PTGER4: variants seen among roughly 807,000 people sequenced by gnomAD.
PTGER4 encodes the protein prostaglandin E2 receptor EP4 subtype.
PTGER4 carries 11 observed loss-of-function variants against 33.2 expected under a neutral mutation model. The ratio of observed to expected loss-of-function variants is 0.33; its 90% CI spans 0.21 to 0.55. The LOEUF is 0.55. Among genes scored for constraint, PTGER4 ranks in the 20% least tolerant of loss-of-function variants. The pLI is 0.92. For synonymous variants in PTGER4, 275 were observed against 281.5 expected (o/e 0.98, Z 0.23); for missense variants, 481 against 650.2 (o/e 0.74, Z 2.83).
chr5:40,730,362 T>C, the PTGER4 span: 2 of 1,594,496 alleles, frequency 1.3e-6, no homozygotes, highest in South Asian at 1.1e-5. Context: ...GTTAAAGTTA[T>C]ATCAATGCCA....
chr5:40,719,356 T>A, the PTGER4 span, among the ~76,000 whole-genome samples: 1 of 152,278 alleles, frequency 6.6e-6, no homozygotes, highest in African/African-American at 2.4e-5. Context: ...ATATTGTTTT[T>A]AAAGTTCATC....
chr5:40,726,018 C>T, the PTGER4 span, among the ~76,000 whole-genome samples: 1 of 151,728 alleles, frequency 6.6e-6, no homozygotes, highest in South Asian at 2.1e-4. Flanking sequence ...ATCTCCTGAC[C>T]TTGTGATCCG....
chr5:40,739,945 A>T, the PTGER4 span, among the ~76,000 whole-genome samples: 2 of 151,936 alleles, frequency 1.3e-5, no homozygotes, highest in South Asian at 2.1e-4. Context: ...GCTTTTTTTT[A>T]AAAATAAAGT....
At chr5:40,741,144 T>A in the PTGER4 span, among the ~76,000 whole-genome samples, 1 of 152,242 alleles carries the variant, frequency 6.6e-6, no homozygotes, top group East Asian at 1.9e-4. Flanking sequence ...AGATGCTGAA[T>A]ATTTTAAATG....
Position 40,681,614 on chromosome 5 carries a change from C to T in PTGER4, c.621C>T (p.Cys207=). The part of the protein sequence containing the change: ...LATVLCNVLV[C]GALLRMHRQF... The stretch of plus-strand genomic sequence containing the variant: ...CCGTCCTCTGCAACGTGCTTGTGTG[C>T]GGCGCGCTGCTCCGCATGCACCGCC... Residue 207 remains cysteine (C), a synonymous_variant, in exon 2 of 3, where the codon TGC becomes TGT. Coordinates refer to ENST00000302472, the MANE Select transcript of PTGER4 (RefSeq NM_000958.3). This position sits in a 1 kb window ranked among gnomAD's most constrained non-coding sequence, Gnocchi z 9.8. 2 of 1,606,136 alleles carry T rather than the reference C, an allele frequency of 1.2e-6. No individual in the cohort carries two copies. Among genetic ancestry groups the T allele is most frequent in the Non-Finnish European group, 1.7e-6 (2 of 1,179,796 alleles).
chr5:40,699,861 C>T, the PTGER4 span, among the ~76,000 whole-genome samples: 1 of 152,110 alleles, frequency 6.6e-6, no homozygotes, highest in African/African-American at 2.4e-5. Context: ...TAAAAATCTA[C>T]ATCAATCTTC....
At chr5:40,703,412 GACACAT>G in the PTGER4 span, among the ~76,000 whole-genome samples, 1 of 152,032 alleles carries the variant, frequency 6.6e-6, no homozygotes, top group Non-Finnish European at 1.5e-5. Context: ...TAAATTCCTG[GACACAT>G]ACACCTTCCC....
the PTGER4 span, among the ~76,000 whole-genome samples, chr5:40,705,730 A>G: frequency 6.6e-6 from 1 of 152,224 alleles, no homozygotes; most frequent in African/African-American, 2.4e-5. Flanking sequence ...AAAAAAGCTC[A>G]ATATCACTGA....
Position 40,680,568 on chromosome 5 carries a change from C to T in PTGER4, c.-44+90C>T. The T allele has an allele frequency of 1.3e-5, 2 of 158,606 alleles. No homozygotes were observed. Among genetic ancestry groups the T allele is most frequent in the South Asian group, 1.8e-4 (1 of 5,606 alleles). 9.8% of individuals were successfully genotyped at this position (158,606 alleles called of 1,614,324 possible). On this transcript the variant is annotated intron_variant, in intron 1 of 2. Coordinates refer to ENST00000302472, the MANE Select transcript of PTGER4 (RefSeq NM_000958.3). This position sits in a 1 kb window ranked among gnomAD's most constrained non-coding sequence, Gnocchi z 5.5. ...GAAGAGAGCCAAGAAGGGAAGAGCGCGCTCTCCAAATTGCTTTTGTAACTT... is the reference window on the plus strand; with the variant it reads ...GAAGAGAGCCAAGAAGGGAAGAGCGTGCTCTCCAAATTGCTTTTGTAACTT...
chr5:40,745,246 C>A, the PTGER4 span, among the ~76,000 whole-genome samples: 1 of 152,082 alleles, frequency 6.6e-6, no homozygotes. Flanking sequence ...AAAACCTAAA[C>A]ATGAACTAAT....
chr5:40,703,079 C>T, the PTGER4 span, among the ~76,000 whole-genome samples: 1 of 152,106 alleles, frequency 6.6e-6, no homozygotes, highest in South Asian at 2.1e-4. Context: ...CTCAAATTAA[C>T]GACCTAACTT....
Position 40,680,942 on chromosome 5 carries a change from C to T in PTGER4, c.-43-9C>T. On this transcript the variant is annotated splice_polypyrimidine_tract_variant and intron_variant, in intron 1 of 2. Transcript: ENST00000302472. The surrounding 1 kb of genome is among the most constrained non-coding windows in gnomAD (Gnocchi z 5.5). The stretch of plus-strand genomic sequence containing the variant: ...CACGGCAGCTTTGTCTCTCTTCTAC[C>T]ATCCCCAGACCCAGCCTTGCACTCC... The T allele has an allele frequency of 6.4e-7, 1 of 1,551,160 alleles. No homozygotes were observed. The highest frequency in any genetic ancestry group is 1.9e-5 in the Admixed American group (1 of 51,824).
Position 40,681,809 on chromosome 5 carries a change from C to A in PTGER4, c.816C>A (p.Ile272=). The change falls in exon 2 of 3, where the codon ATC becomes ATA. Residue 272 remains isoleucine, a synonymous_variant. Coordinates refer to ENST00000302472, the MANE Select transcript of PTGER4 (RefSeq NM_000958.3). The surrounding 1 kb of genome is among the most constrained non-coding windows in gnomAD (Gnocchi z 9.8). ...RIAGAEIQMV[I]LLIATSLVVL... is the part of the protein sequence containing the mutation. ...CGGGCGCCGAGATCCAGATGGTCAT[C>A]TTACTCATTGCCACCTCCCTGGTGG... is the stretch of plus-strand genomic sequence containing the variant. 1 of 1,587,748 alleles carries A rather than the reference C, an allele frequency of 6.3e-7. No homozygotes were observed. Among genetic ancestry groups the A allele is most frequent in the Middle Eastern group, 1.7e-4 (1 of 5,930 alleles).
the PTGER4 span, chr5:40,728,538 A>G: frequency 6.9e-7 from 1 of 1,457,362 alleles, no homozygotes; most frequent in Non-Finnish European, 9.2e-7. Flanking sequence ...AACTACATAA[A>G]AAACCCTTTT....
At chr5:40,745,874 AC>A in the PTGER4 span, among the ~76,000 whole-genome samples, 1 of 152,048 alleles carries the variant, frequency 6.6e-6, no homozygotes, top group African/African-American at 2.4e-5. Flanking sequence ...TGCTGGGATT[AC>A]TAGTATAAGC....
chr5:40,681,823 C>T lies in PTGER4; in HGVS notation c.830C>T (p.Thr277Ile). Residue 277 changes from threonine to isoleucine, a missense_variant, in exon 2 of 3, where the codon ACC (threonine) becomes ATC (isoleucine). This residue lies in a region of PTGER4 where 174 missense variants were observed against 210.5 expected (regional missense o/e 0.83). Coordinates refer to ENST00000302472, the MANE Select transcript of PTGER4 (RefSeq NM_000958.3). The surrounding 1 kb of genome is among the most constrained non-coding windows in gnomAD (Gnocchi z 9.8). ...CAGATGGTCATCTTACTCATTGCCA[C>T]CTCCCTGGTGGTGCTCATCTGCTCC... is the stretch of plus-strand genomic sequence containing the variant. Reference protein sequence around the residue: ...EIQMVILLIATSLVVLICSIP... With the variant: ...EIQMVILLIAISLVVLICSIP... The T allele has an allele frequency of 6.3e-7, 1 of 1,577,344 alleles. No homozygotes were observed.
downstream of PTGER4, chr5:40,696,714 T>TGCTGTG (rs1741589127): frequency 1.0e-6 from 1 of 983,466 alleles, no homozygotes; most frequent in African/African-American, 1.7e-5. Context: ...TCACTTTTCC[T>TGCTGTG]AAGAACGTTT....
chr5:40,699,057 T>C, the PTGER4 span, among the ~76,000 whole-genome samples: 1 of 152,118 alleles, frequency 6.6e-6, no homozygotes, highest in Admixed American at 6.5e-5. Flanking sequence ...TGATCAAGCC[T>C]CTAGATCTAA....
At chr5:40,728,110 C>CGT in the PTGER4 span, among the ~76,000 whole-genome samples, 4 of 151,554 alleles carry the variant, frequency 2.6e-5, no homozygotes, top group African/African-American at 7.3e-5. Flanking sequence ...GGTGACACCC[C>CGT]GTCTCTACTA....
Sources: gnomAD v4.1 joint callset for allele counts (sites outside exome capture counted in the v4.1 genomes callset) on GRCh38, gnomAD v4.1.1 for gene constraint, gnomAD v4.1.1 regional missense constraint, Gnocchi (gnomAD v3.1) non-coding constraint, MANE v1.5 for transcripts, NCBI Gene and HGNC (gene_info 2026-07-23, HGNC 2026-07-21) for gene names.